The following CCNF variants were observed in gnomAD, a reference collection of about 807,000 sequenced individuals.
CCNF encodes cyclin F, also known as cyclin-F.
Under a neutral mutation model 85.4 loss-of-function variants are expected in CCNF, and 30 were observed. The observed-to-expected ratio is 0.35, with a 90% CI of 0.26 to 0.48. CCNF has a LOEUF of 0.48. CCNF is among the 20% of genes least tolerant of loss of function. CCNF has a pLI of 0.99. For synonymous variants in CCNF, 439 were observed against 425.1 expected, an observed-to-expected ratio of 1.03 and a Z score of -0.40; for missense variants, 919 against 1,010.4, an observed-to-expected ratio of 0.91 and a Z score of 1.23.
intron 5 of CCNF, 69 bp from the exon 6 acceptor site, chr16:2,438,001 A>T: frequency 9.3e-7 from 1 of 1,069,918 alleles, no homozygotes; most frequent in Non-Finnish European, 1.5e-6. Flanking sequence ...CCAAAGACAG[A>T]CAAGGGAGTG....
intron 10 of CCNF, among the ~76,000 whole-genome samples, chr16:2,447,170 C>T (rs896124471): frequency 7.2e-5 from 11 of 152,176 alleles, no homozygotes; most frequent in Non-Finnish European, 1.5e-5. Flanking sequence ...CTGCTAAAAA[C>T]GTTTCAGGGA....
Position 2,438,020 on chromosome 16 carries a change from C to T in CCNF, c.541-50C>T, listed in dbSNP as rs755865006. On this transcript the variant is annotated intron_variant, in intron 5 of 16. Transcript: ENST00000397066. ...AGACAGACAAGGGAGTGGTGGCCCC[C>T]GGGCAGTTCTCTGTGCTGGAAATCA... The T allele has an allele frequency of 1.5e-5, 20 of 1,312,472 alleles. No individual in the cohort carries two copies. In the South Asian group the frequency reaches 1.8e-4, roughly 12 times the overall value. The allele number at this position is 1,312,472 out of a possible 1,614,324, so 81.3% of individuals were successfully genotyped here.
chr16:2,442,156 A>G (rs1257479783), intron 8 of CCNF, among the ~76,000 whole-genome samples: 11 of 142,274 alleles, frequency 7.7e-5, no homozygotes, highest in African/African-American at 2.8e-4. Flanking sequence ...CAGGCATTGC[A>G]CCACCACGCC....
At position 2,452,504 on chromosome 16, in the gene CCNF, C is replaced by A. The variant is rs1386820762; in HGVS notation, c.1488-706C>A. The A allele has an allele frequency of 6.6e-6, 1 of 152,368 alleles. No individual in the cohort carries two copies. Among genetic ancestry groups the A allele is most frequent in the African/African-American group, 2.4e-5 (1 of 41,452 alleles). The allele number at this position is 152,368 out of a possible 1,614,324, so 9.4% of individuals were successfully genotyped here. On this transcript the variant is annotated intron_variant, in intron 13 of 16. Coordinates refer to ENST00000397066, the MANE Select transcript of CCNF (RefSeq NM_001761.3). This position sits in a 1 kb window ranked among gnomAD's most constrained non-coding sequence, Gnocchi z 4.1. ...GTTTCTGGGCTGCGTTTATTCTCTT[C>A]CTCCTGAAGAAGTTAATTTTTTTTC...
chr16:2,450,609 A>G (rs2065389408), intron 13 of CCNF, among the ~76,000 whole-genome samples: 1 of 152,068 alleles, frequency 6.6e-6, no homozygotes, highest in African/African-American at 2.4e-5. Context: ...GCAGCAGAAC[A>G]TACTAGAAAA....
Position 2,443,675 on chromosome 16 carries a change from T to C in CCNF, c.804T>C (p.Asn268=). ...AQLSLAKACA[N]ANQLGLEVRA... ...TGTCTTTAGCCAAAGCCTGTGCAAA[T>C]GCAAACCAGCTTGGACTGGAGGTGA... The change falls in exon 9 of 17, where the codon AAT becomes AAC. Residue 268 remains asparagine, a synonymous_variant. Coordinates refer to ENST00000397066, the MANE Select transcript of CCNF (RefSeq NM_001761.3). 1 of 1,614,130 alleles carries C rather than the reference T, an allele frequency of 6.2e-7. No individual in the cohort carries two copies. Among genetic ancestry groups the C allele is most frequent in the Non-Finnish European group, 8.5e-7 (1 of 1,180,008 alleles).
chr16:2,429,645 C>T (rs2065252689), intron 1 of CCNF, 148 bp downstream of exon 1: 1 of 876,292 alleles, frequency 1.1e-6, no homozygotes, highest in Non-Finnish European at 1.5e-6. Flanking sequence ...ATGTCGCGTC[C>T]CGCGCAGGGA....
chr16:2,438,223 A>T, intron 6 of CCNF, 100 bp downstream of exon 6: 1 of 907,350 alleles, frequency 1.1e-6, no homozygotes, highest in Non-Finnish European at 1.9e-6. Context: ...CCAAGGCCCA[A>T]AACAAAAGGC....
chr16:2,433,510 C>T (rs1026654785), intron 3 of CCNF, among the ~76,000 whole-genome samples: 12 of 152,348 alleles, frequency 7.9e-5, no homozygotes, highest in African/African-American at 2.9e-4. Context: ...AGGTACCCGC[C>T]GCCCTCAGAA....
intron 8 of CCNF, among the ~76,000 whole-genome samples, chr16:2,440,041 C>T (rs2065312981): frequency 6.6e-6 from 1 of 152,212 alleles, no homozygotes; most frequent in Non-Finnish European, 1.5e-5. Context: ...TTATTCATCT[C>T]TGCCTATCCA....
chr16:2,442,791 T>G (rs1011296870), intron 8 of CCNF, among the ~76,000 whole-genome samples: 1 of 12,360 alleles, frequency 8.1e-5, no homozygotes, highest in African/African-American at 5.2e-4. Flanking sequence ...TATTATATAT[T>G]ATATTCTATA....
At chr16:2,435,227 G>T (rs2065282162) in intron 3 of CCNF, among the ~76,000 whole-genome samples, 1 of 147,840 alleles carries the variant, frequency 6.8e-6, no homozygotes, top group African/African-American at 2.5e-5. Flanking sequence ...CTCCAGCCTG[G>T]GCAACAGAGC....
intron 3 of CCNF, among the ~76,000 whole-genome samples, chr16:2,433,440 T>C (rs1231231523): frequency 1.3e-5 from 2 of 152,222 alleles, no homozygotes; most frequent in African/African-American, 4.8e-5. Flanking sequence ...ACTCACTGGC[T>C]GATCCCACCC....
intron 3 of CCNF, among the ~76,000 whole-genome samples, chr16:2,434,484 GCCT>G (rs2065277679): frequency 6.6e-6 from 1 of 152,084 alleles, no homozygotes; most frequent in Non-Finnish European, 1.5e-5. Flanking sequence ...GGTGGCACAT[GCCT>G]GTAATGCCAG....
At chr16:2,437,467 G>A in intron 5 of CCNF, 145 bp downstream of exon 5, 1 of 615,724 alleles carries the variant, frequency 1.6e-6, no homozygotes, top group East Asian at 2.9e-5. Context: ...CAGATATGGG[G>A]AACGCATCTG....
chr16:2,449,119 C>T (rs1410073870), intron 11 of CCNF, 141 bp downstream of exon 11: 16 of 1,443,256 alleles, frequency 1.1e-5, no homozygotes, highest in Non-Finnish European at 1.5e-5. Flanking sequence ...AGCCATGGAG[C>T]AGGAGGCCAC....
At chr16:2,432,520 C>T (rs2065267940) in intron 2 of CCNF, among the ~76,000 whole-genome samples, 1 of 152,174 alleles carries the variant, frequency 6.6e-6, no homozygotes, top group African/African-American at 2.4e-5. Flanking sequence ...CCGGGTTCTA[C>T]CTGAGACCTC....
At chr16:2,443,014 T>C (rs1302781075) in intron 8 of CCNF, among the ~76,000 whole-genome samples, 3 of 115,006 alleles carry the variant, frequency 2.6e-5, no homozygotes, top group African/African-American at 7.0e-5. Flanking sequence ...TATATAATTA[T>C]ATTATATGTT....
chr16:2,450,129 C>G (rs575502206), intron 13 of CCNF, among the ~76,000 whole-genome samples: 1 of 151,596 alleles, frequency 6.6e-6, no homozygotes, highest in Non-Finnish European at 1.5e-5. Context: ...ATCGCTTGAA[C>G]CCAGGAAGCA....
Sources: gnomAD v4.1 joint callset for allele counts (sites outside exome capture counted in the v4.1 genomes callset) on GRCh38, gnomAD v4.1.1 for gene constraint, Gnocchi (gnomAD v3.1) non-coding constraint, MANE v1.5 for transcripts, NCBI Gene and HGNC (gene_info 2026-07-23, HGNC 2026-07-21) for gene names.